SIL1: variants seen among roughly 807,000 people sequenced by gnomAD.
The protein encoded by SIL1 is SIL1 nucleotide exchange factor.
Under a neutral mutation model 49.1 loss-of-function variants are expected in SIL1, and 40 were observed. That is an observed-to-expected ratio of 0.81 (90% CI 0.63 to 1.06). SIL1 has a LOEUF of 1.06. Among genes scored for constraint, SIL1 ranks in the 50% least tolerant of loss-of-function variants. The pLI is 0.00. For synonymous variants in SIL1, 253 were observed against 250.8 expected, an observed-to-expected ratio of 1.01 and a Z score of -0.08; for missense variants, 500 against 572.6, an observed-to-expected ratio of 0.87 and a Z score of 1.29.
chr5:139,120,422 G>GA, intron 3 of SIL1, among the ~76,000 whole-genome samples: 1 of 152,254 alleles, frequency 6.6e-6, no homozygotes, highest in South Asian at 2.1e-4. Context: ...CTATTATTGT[G>GA]AAAATTCAAC....
intron 1 of SIL1, among the ~76,000 whole-genome samples, chr5:139,192,536 G>A (rs865993657): frequency 1.5e-4 from 23 of 152,276 alleles, no homozygotes; most frequent in East Asian, 3.9e-4. Context: ...AATGTGACAA[G>A]GGCCAAACAT....
At chr5:139,169,163 A>G (rs1490895084) in intron 1 of SIL1, among the ~76,000 whole-genome samples, 1 of 152,190 alleles carries the variant, frequency 6.6e-6, no homozygotes, top group East Asian at 1.9e-4. Flanking sequence ...CCTCTAAACA[A>G]AAATGTTTTT....
At chr5:138,968,325 A>G (rs1767194516) in intron 7 of SIL1, among the ~76,000 whole-genome samples, 1 of 152,120 alleles carries the variant, frequency 6.6e-6, no homozygotes, top group Non-Finnish European at 1.5e-5. Flanking sequence ...CAGCGTTTCC[A>G]TTCAAGAGGT....
intron 1 of SIL1, among the ~76,000 whole-genome samples, chr5:139,177,428 T>C (rs917150111): frequency 1.3e-5 from 2 of 151,282 alleles, no homozygotes; most frequent in African/African-American, 2.4e-5. Context: ...TTAGTAGAGA[T>C]GAGGTTTCAT....
chr5:138,977,154 T>C (rs961155757), intron 7 of SIL1, among the ~76,000 whole-genome samples: 3 of 152,148 alleles, frequency 2.0e-5, no homozygotes, highest in Admixed American at 1.3e-4. Flanking sequence ...GCCCCAGCAA[T>C]TGAAAATCAG....
intron 3 of SIL1, among the ~76,000 whole-genome samples, chr5:139,112,643 C>A (rs865987795): frequency 1.5e-4 from 23 of 148,792 alleles, no homozygotes; most frequent in Admixed American, 3.3e-4. Flanking sequence ...TGGGGGCCAG[C>A]CCCCGCCCGG....
At chr5:139,113,715 G>A (rs1253874149) in intron 3 of SIL1, among the ~76,000 whole-genome samples, 2 of 152,200 alleles carry the variant, frequency 1.3e-5, no homozygotes, top group Non-Finnish European at 2.9e-5. Context: ...AGTCTTAACC[G>A]TGGAGATGCC....
intron 1 of SIL1, among the ~76,000 whole-genome samples, chr5:139,193,829 G>A (rs1451981503): frequency 6.6e-6 from 1 of 152,138 alleles, no homozygotes; most frequent in African/African-American, 2.4e-5. Context: ...TGGCATGGTG[G>A]TCCACTCTTC....
chr5:139,154,069 T>G (rs549916766), intron 1 of SIL1, among the ~76,000 whole-genome samples: 1 of 152,334 alleles, frequency 6.6e-6, no homozygotes, highest in East Asian at 1.9e-4. Context: ...TCCCTGCCTC[T>G]TTTCTTATCC....
At chr5:139,052,456 AG>A (rs767320787) in intron 3 of SIL1, among the ~76,000 whole-genome samples, 2 of 152,212 alleles carry the variant, frequency 1.3e-5, no homozygotes, top group Non-Finnish European at 2.9e-5. Context: ...AGGCCAAGGC[AG>A]GTGGATCACC....
At position 139,151,680 on chromosome 5, in the gene SIL1, C is replaced by T. The variant is rs116119851; in HGVS notation, c.-10-23827G>A. ...CAGCAACAGGACTGTGATGAGCTCC[C>T]GCAACTGCACAGTTGGGTCCCAACC... On this transcript the variant is annotated intron_variant, in intron 1 of 9. Transcript: ENST00000394817. 7.1e-3 allele frequency among the ~76,000 whole-genome samples: 1,088 copies of T among 152,186 alleles called. 16 individuals carry two copies. Among genetic ancestry groups the T allele is most frequent in the African/African-American group, 0.024 (997 of 41,528 alleles).
At chr5:139,045,280 C>T (rs1715958380) in intron 4 of SIL1, among the ~76,000 whole-genome samples, 1 of 152,146 alleles carries the variant, frequency 6.6e-6, no homozygotes, top group African/African-American at 2.4e-5. Context: ...TTGCTTGAGC[C>T]CAGGCTGTAG....
Position 139,044,072 on chromosome 5 carries a change from G to A in SIL1, c.354-1353C>T, listed in dbSNP as rs536108733. Among the ~76,000 whole-genome samples, 145 of 152,258 alleles carry A rather than the reference G, an allele frequency of 9.5e-4. 1 individual carries two copies. Among genetic ancestry groups the A allele is most frequent in the African/African-American group, 3.3e-3 (136 of 41,546 alleles). On this transcript the variant is annotated intron_variant, in intron 4 of 9. Coordinates refer to ENST00000394817, the MANE Select transcript of SIL1 (RefSeq NM_022464.5). ...TTTTAGGGCTCTGAGAAGAACACTCGTCTTCTCTAAACCTCAGTCCTCCTA... is the reference window on the plus strand; with the variant it reads ...TTTTAGGGCTCTGAGAAGAACACTCATCTTCTCTAAACCTCAGTCCTCCTA...
intron 1 of SIL1, among the ~76,000 whole-genome samples, chr5:139,128,703 TCATG>T: frequency 6.6e-6 from 1 of 151,916 alleles, no homozygotes; most frequent in South Asian, 2.1e-4. Context: ...CATCCCATGT[TCATG>T]AATTAGAGAC....
intron 3 of SIL1, among the ~76,000 whole-genome samples, chr5:139,110,665 G>A (rs1245695337): frequency 6.6e-6 from 1 of 152,222 alleles, no homozygotes; most frequent in Non-Finnish European, 1.5e-5. Context: ...TGCACACAAG[G>A]CTGTGCTTCA....
chr5:138,996,161 C>A (rs374974688), intron 7 of SIL1, among the ~76,000 whole-genome samples: 10 of 152,278 alleles, frequency 6.6e-5, no homozygotes, highest in African/African-American at 1.9e-4. Context: ...CAACAATGTA[C>A]CCCTTTCACC....
chr5:138,958,291 G>C (rs778496250), intron 7 of SIL1, among the ~76,000 whole-genome samples: 8 of 152,144 alleles, frequency 5.3e-5, no homozygotes, highest in Non-Finnish European at 1.0e-4. Flanking sequence ...GCTTTGGCAG[G>C]AATACACAAA....
Position 138,951,248 on chromosome 5 carries a change from T to C in SIL1, c.952A>G (p.Thr318Ala). 6.3e-7 allele frequency: 1 copy of C among 1,599,460 alleles called. No homozygotes were observed. The highest frequency in any genetic ancestry group is 8.5e-7 in the Non-Finnish European group (1 of 1,172,742). The change falls in exon 9 of 10, where the codon ACC becomes GCC. Residue 318 changes from threonine to alanine, a missense_variant. Thr to Ala is a moderately conservative substitution (Grantham distance 58, BLOSUM62 0). Transcript: ENST00000394817. ...LKLGGLQVLR[T>A]LVQEKGTEVL... ...TCCGTGCCCTTCTCCTGCACCAGGG[T>C]CCTCAGGACCTGCAGCCCCCCGAGC... is the stretch of plus-strand genomic sequence containing the variant.
intron 7 of SIL1, chr5:139,012,422 A>C (rs1310205678): frequency 6.6e-6 from 1 of 152,020 alleles, no homozygotes; most frequent in Admixed American, 6.5e-5. Context: ...TGGGAGACCA[A>C]AGTGCTGGCA....
Sources: allele counts gnomAD v4.1 joint callset (sites outside exome capture counted in the v4.1 genomes callset), GRCh38; gene constraint gnomAD v4.1.1; transcripts MANE v1.5; gene names NCBI Gene and HGNC (gene_info 2026-07-23, HGNC 2026-07-21).